Variants in VWF observed in about 807,000 individuals in gnomAD.
The protein encoded by VWF is von Willebrand factor.
Under a neutral mutation model 308.6 loss-of-function variants are expected in VWF, and 176 were observed. The observed-to-expected ratio is 0.57, with a 90% CI of 0.50 to 0.65. VWF has a LOEUF of 0.65. Among genes scored for constraint, VWF ranks in the 30% least tolerant of loss-of-function variants. The pLI, the probability that VWF is intolerant of heterozygous loss-of-function variation, is 0.00. For missense variants in VWF, 3,146 were observed against 3,648.2 expected, an observed-to-expected ratio of 0.86 and a Z score of 3.55; for synonymous variants, 1,385 against 1,443.4, an observed-to-expected ratio of 0.96 and a Z score of 0.92.
chr12:6,054,113 T>C (rs1376306480), intron 15 of VWF, among the ~76,000 whole-genome samples: 3 of 152,186 alleles, frequency 2.0e-5, no homozygotes, highest in Admixed American at 6.5e-5. Flanking sequence ...AGAAACCTAC[T>C]GGCAGGGCAT....
At chr12:6,064,732 T>G (rs369691354) in intron 11 of VWF, among the ~76,000 whole-genome samples, 1 of 152,184 alleles carries the variant, frequency 6.6e-6, no homozygotes, top group East Asian at 1.9e-4. Flanking sequence ...CGTCCTCATC[T>G]TTGCTTCCAT....
chr12:6,071,093 G>A (rs1477282940), intron 10 of VWF, among the ~76,000 whole-genome samples: 1 of 152,208 alleles, frequency 6.6e-6, no homozygotes, highest in Middle Eastern at 3.2e-3. Context: ...TTCAGCTGTT[G>A]CAGGGCTCCC....
chr12:6,019,892 T>A lies in VWF; in HGVS notation c.3675-149A>T. 1.1e-6 allele frequency: 1 copy of A among 924,962 alleles called. No homozygotes were observed. The highest frequency in any genetic ancestry group is 1.7e-6 in the Non-Finnish European group (1 of 593,784). The allele number at this position is 924,962 out of a possible 1,614,324, so 57.3% of individuals were successfully genotyped here. A position where few individuals can be genotyped will look rare whatever the true frequency, so the allele number is the denominator to read the frequency against. ...TCCCATGGACCATTCCACATCCAAG[T>A]GAGATGTCATTGTTTAACATCTGTC... On this transcript the variant is annotated intron_variant, in intron 27 of 51. Coordinates refer to ENST00000261405, the MANE Select transcript of VWF (RefSeq NM_000552.5). The surrounding 1 kb of genome is among the most constrained non-coding windows in gnomAD (Gnocchi z 5.8).
intron 34 of VWF, among the ~76,000 whole-genome samples, chr12:5,999,397 C>G (rs753613091): frequency 1.3e-5 from 2 of 151,346 alleles, no homozygotes; most frequent in African/African-American, 2.4e-5. Flanking sequence ...ATAAAGCAAA[C>G]GGGAAAGTCA....
chr12:6,064,274 G>C lies in VWF; in HGVS notation c.1404C>G (p.Gly468=). 2 of 1,614,146 alleles carry C rather than the reference G, an allele frequency of 1.2e-6. No individual in the cohort carries two copies. Among genetic ancestry groups the C allele is most frequent in the Non-Finnish European group, 1.7e-6 (2 of 1,180,026 alleles). Residue 468 remains glycine (G), a synonymous_variant, in exon 12 of 52, where the codon GGC becomes GGG. Transcript: ENST00000261405. The part of the protein sequence containing the change: ...LKHGAGVAMD[G]QDVQLPLLKG... ...TCAGGAGGGGGAGCTGGACGTCCTG[G>C]CCATCCATGGCAACTCCTGCCCCAT...
chr12:6,025,840 T>C (rs1283373165), intron 23 of VWF, 66 bp downstream of exon 23: 4 of 1,612,266 alleles, frequency 2.5e-6, no homozygotes. Flanking sequence ...CCCATGACAA[T>C]GGGGACAGAG....
At position 6,012,863 on chromosome 12, in the gene VWF, G is replaced by A. The variant is rs183514850; in HGVS notation, c.5620+618C>T. ...ACTACAGGTGCCCGCCACCACGCCC[G>A]GCTAATTTTTTGTATTTTTAGTAGA... On this transcript the variant is annotated intron_variant, in intron 32 of 51. Transcript: ENST00000261405. 2.9e-3 allele frequency among the ~76,000 whole-genome samples: 444 copies of A among 151,958 alleles called. 5 individuals are homozygous for A. The highest frequency in any genetic ancestry group is 9.7e-3 in the African/African-American group (401 of 41,454).
chr12:5,966,396 T>C (rs1202533175), intron 47 of VWF, among the ~76,000 whole-genome samples: 4 of 152,204 alleles, frequency 2.6e-5, no homozygotes, highest in Non-Finnish European at 5.9e-5. Flanking sequence ...TTCTTCCTAA[T>C]TAAGGAATGC....
intron 18 of VWF, among the ~76,000 whole-genome samples, chr12:6,043,603 G>A (rs1372201440): frequency 6.6e-6 from 1 of 152,250 alleles, no homozygotes; most frequent in African/African-American, 2.4e-5. Flanking sequence ...AGACTTGGGA[G>A]GGAGATAAGG....
At chr12:6,009,982 A>C (rs1459870616) in intron 34 of VWF, among the ~76,000 whole-genome samples, 3 of 152,202 alleles carry the variant, frequency 2.0e-5, no homozygotes, top group Non-Finnish European at 4.4e-5. Flanking sequence ...GGGGAAGGGG[A>C]AAATGGGAAG....
chr12:5,968,748 T>C (rs2136355543), intron 45 of VWF, among the ~76,000 whole-genome samples: 1 of 152,286 alleles, frequency 6.6e-6, no homozygotes, highest in East Asian at 1.9e-4. Context: ...TGAGCCAAAA[T>C]AGTGCCACTG....
At position 5,984,037 on chromosome 12, in the gene VWF, C is replaced by T. The variant is rs924802920; in HGVS notation, c.6977-783G>A. ...ATAGATAGACAGACAGACAGACAGA[C>T]AGATAGATCAATCCAAGTCACATAC... On this transcript the variant is annotated intron_variant, in intron 40 of 51. Transcript: ENST00000261405. Among the ~76,000 whole-genome samples the T allele has an allele frequency of 1.4e-4, 21 of 145,582 alleles. No individual in the cohort carries two copies. In the South Asian group the frequency reaches 3.7e-3, roughly 26 times the overall value.
chr12:6,057,086 G>A lies in VWF; in HGVS notation c.1730-14C>T, dbSNP rs1249634263. 5 of 1,530,188 alleles carry A rather than the reference G, an allele frequency of 3.3e-6. No individual in the cohort carries two copies. The highest frequency in any genetic ancestry group is 2.6e-6 in the Non-Finnish European group (3 of 1,144,032). 94.8% of individuals were successfully genotyped at this position (1,530,188 alleles called of 1,614,324 possible). ...CGGAGAACCTGGCTGTGGGGCGAGA[G>A]GAGCGAGCCTGGGATGTGGTGGGGA... On this transcript the variant is annotated splice_polypyrimidine_tract_variant and intron_variant, in intron 14 of 51. Coordinates refer to ENST00000261405, the MANE Select transcript of VWF (RefSeq NM_000552.5).
intron 6 of VWF, among the ~76,000 whole-genome samples, chr12:6,079,610 G>GAA (rs71672997): frequency 5.2e-5 from 7 of 133,982 alleles, no homozygotes; most frequent in Non-Finnish European, 4.9e-5. Flanking sequence ...ACTCTGTCTC[G>GAA]AAAAAAAAAA....
chr12:5,955,581 T>C (rs1223411083), intron 47 of VWF, among the ~76,000 whole-genome samples: 4 of 152,138 alleles, frequency 2.6e-5, no homozygotes, highest in Admixed American at 2.6e-4. Flanking sequence ...TATTCCATGG[T>C]GTATATGTGC....
At chr12:6,117,605 C>T (rs550256896) in intron 3 of VWF, among the ~76,000 whole-genome samples, 50 of 152,270 alleles carry the variant, frequency 3.3e-4, no homozygotes, top group African/African-American at 1.1e-3. Context: ...CACCTGAGGT[C>T]GGGAGTTCGA....
In VWF at chr12:6,057,005, G is replaced by T; in HGVS notation, c.1797C>A (p.Val599=). The change falls in exon 15 of 52, where the codon GTC becomes GTA. Residue 599 remains valine, a synonymous_variant. Transcript: ENST00000261405. The part of the protein sequence containing the change: ...SPTFEACHRA[V]SPLPYLRNCR... ...AGTTCCGCAGGTAGGGCAGCGGGCT[G>T]ACGGCACGATGGCAGGCCTCGAATG... 6.5e-7 allele frequency: 1 copy of T among 1,548,990 alleles called. No individual in the cohort carries two copies.
In VWF at chr12:6,058,096, T is replaced by C. The variant is rs1365685252; in HGVS notation, c.1534-52A>G. 1.3e-6 allele frequency: 2 copies of C among 1,598,418 alleles called. No individual in the cohort carries two copies. The highest frequency in any genetic ancestry group is 1.3e-5 in the African/African-American group (1 of 74,290). ...AGCCGCTGCCGCGAAAGCAGCGGCA[T>C]AGTTGTTTAGCTAATGAGATGGTTT... On this transcript the variant is annotated intron_variant, in intron 13 of 51. Coordinates refer to ENST00000261405, the MANE Select transcript of VWF (RefSeq NM_000552.5). This position sits in a 1 kb window ranked among gnomAD's most constrained non-coding sequence, Gnocchi z 4.9.
chr12:5,967,677 C>G, intron 46 of VWF, 75 bp from the exon 47 acceptor site: 4 of 1,309,334 alleles, frequency 3.1e-6, no homozygotes, highest in South Asian at 1.2e-5. Context: ...CATACCCTGT[C>G]TCCTGCCCAC....
Sources: allele counts gnomAD v4.1 joint callset (sites outside exome capture counted in the v4.1 genomes callset), GRCh38; gene constraint gnomAD v4.1.1; non-coding constraint Gnocchi (gnomAD v3.1); transcripts MANE v1.5; gene names NCBI Gene and HGNC (gene_info 2026-07-23, HGNC 2026-07-21).